The following CLN8 variants were observed in gnomAD, a reference collection of about 807,000 sequenced individuals.
CLN8 encodes the protein protein CLN8.
A neutral mutation model predicts 15.7 loss-of-function variants in CLN8; 14 were observed. The ratio of observed to expected loss-of-function variants is 0.89; its 90% CI spans 0.59 to 1.39. The LOEUF (loss-of-function observed/expected upper bound fraction) is 1.39. Among genes scored for constraint, CLN8 ranks in the 40% most tolerant of loss-of-function variants. CLN8 has a pLI of 0.00. For synonymous variants in CLN8, 188 were observed against 151.0 expected (o/e 1.25, Z -1.80); for missense variants, 415 against 364.0 (o/e 1.14, Z -1.14).
intron 1 of CLN8, chr8:1,764,682 G>C (rs913882010): frequency 6.5e-6 from 1 of 153,306 alleles, no homozygotes; most frequent in African/African-American, 2.4e-5. Context: ...GAGAGCGGGC[G>C]CTGGGTCAGG....
intron 2 of CLN8, among the ~76,000 whole-genome samples, chr8:1,779,532 A>G (rs1801639505): frequency 2.6e-5 from 4 of 152,252 alleles, no homozygotes; most frequent in African/African-American, 4.8e-5. Context: ...GGCGTGAGCC[A>G]CCGTGCCTGG....
chr8:1,767,565 C>CTTTTTTTTTTTTTTTTTT (rs1156569423), intron 1 of CLN8, among the ~76,000 whole-genome samples: 7 of 81,326 alleles, frequency 8.6e-5, no homozygotes, highest in Non-Finnish European at 1.1e-4. Context: ...ATGTTTCTTT[C>CTTTTTTTTTTTTTTTTTT]TTTTTTTTTT....
chr8:1,771,078 C>T lies in CLN8; in HGVS notation c.24C>T (p.Gly8=). The T allele has an allele frequency of 6.2e-6, 10 of 1,613,992 alleles. No homozygotes were observed. The highest frequency in any genetic ancestry group is 1.3e-5 in the African/African-American group (1 of 74,992). Residue 8 remains glycine, a synonymous_variant, in exon 2 of 3, where the codon GGC becomes GGT. Transcript: ENST00000331222. MNPASDG[G]TSESIFDLDY... ...CAATGAATCCTGCGAGCGATGGGGGCACATCAGAGAGCATTTTTGACCTGG... is the reference window on the plus strand; with the variant it reads ...CAATGAATCCTGCGAGCGATGGGGGTACATCAGAGAGCATTTTTGACCTGG...
intron 1 of CLN8, among the ~76,000 whole-genome samples, chr8:1,769,837 G>C (rs1368667936): frequency 6.6e-6 from 1 of 152,156 alleles, no homozygotes; most frequent in Non-Finnish European, 1.5e-5. Context: ...TGCTGCATCA[G>C]GCAGAGGAGA....
At chr8:1,755,262 AGAGGTTAGTCT>A (rs1800641679), upstream of CLN8, among the ~76,000 whole-genome samples, 1 of 152,182 alleles carries the variant, frequency 6.6e-6, no homozygotes, top group African/African-American at 2.4e-5. Context: ...TAACTAACAG[AGAGGTTAGTCT>A]ATGTCATGCA....
chr8:1,761,961 T>C (rs1800807427), upstream of CLN8: 3 of 152,228 alleles, frequency 2.0e-5, no homozygotes, highest in South Asian at 6.2e-4. Flanking sequence ...TGTGGCTAAT[T>C]TGTTAGTCCT....
At chr8:1,769,203 G>A (rs1563105864) in intron 1 of CLN8, among the ~76,000 whole-genome samples, 1 of 152,214 alleles carries the variant, frequency 6.6e-6, no homozygotes, top group Admixed American at 6.5e-5. Flanking sequence ...CAAAGCAAGA[G>A]GTTAGGAGTG....
chr8:1,761,146 C>T (rs13254706), upstream of CLN8, among the ~76,000 whole-genome samples: 3 of 149,960 alleles, frequency 2.0e-5, no homozygotes, highest in Admixed American at 6.7e-5. Flanking sequence ...CAGCCTCCCA[C>T]GTAGCTGGGA....
At chr8:1,779,996 A>G (rs1371529909) in intron 2 of CLN8, 1 of 985,366 alleles carries the variant, frequency 1.0e-6, no homozygotes, top group Admixed American at 6.1e-5. Flanking sequence ...AGCAGAAGCC[A>G]AAGAGCAAGA....
chr8:1,774,813 C>G (rs1801449351), intron 2 of CLN8, among the ~76,000 whole-genome samples: 1 of 152,134 alleles, frequency 6.6e-6, no homozygotes, highest in Non-Finnish European at 1.5e-5. Flanking sequence ...ATGGCAAAAC[C>G]TCGTCTCCAC....
At chr8:1,769,020 CA>C (rs1294048002) in intron 1 of CLN8, among the ~76,000 whole-genome samples, 2 of 152,188 alleles carry the variant, frequency 1.3e-5, no homozygotes, top group Non-Finnish European at 2.9e-5. Context: ...ACTCACGCAC[CA>C]GGGGCAGCAT....
In CLN8 at chr8:1,782,556, G is replaced by A. The variant is rs1801734775; in HGVS notation, c.*1989G>A. ...TTAATCTTAAACACATCCAGCAAAT[G>A]GTGTCCCTGCTGAAACTTTTAACTG... On this transcript the variant is annotated 3_prime_UTR_variant, in exon 3 of 3. Coordinates refer to ENST00000331222, the MANE Select transcript of CLN8 (RefSeq NM_018941.4). 1 of 152,170 alleles carries A rather than the reference G, an allele frequency of 6.6e-6. No homozygotes were observed. The highest frequency in any genetic ancestry group is 2.4e-5 in the African/African-American group (1 of 41,430). The allele number at this position is 152,170 out of a possible 1,614,324, so 9.4% of individuals were successfully genotyped here.
intron 2 of CLN8, 128 bp downstream of exon 2, chr8:1,771,725 A>G: frequency 2.4e-6 from 2 of 823,086 alleles, no homozygotes; most frequent in South Asian, 1.5e-5. Context: ...TTACAAACTC[A>G]TTTTAGTTGA....
At chr8:1,761,728 C>T (rs973666598), upstream of CLN8, among the ~76,000 whole-genome samples, 2 of 152,220 alleles carry the variant, frequency 1.3e-5, no homozygotes, top group African/African-American at 4.8e-5. Flanking sequence ...TCAAAGCTGT[C>T]CTCTTGGCCT....
Position 1,771,260 on chromosome 8 carries a change from C to A in CLN8, c.206C>A (p.Thr69Lys). 6.2e-7 allele frequency: 1 copy of A among 1,613,706 alleles called. No homozygotes were observed. Among genetic ancestry groups the A allele is most frequent in the Non-Finnish European group, 8.5e-7 (1 of 1,179,668 alleles). The change falls in exon 2 of 3, where the codon ACG becomes AAG. Residue 69 changes from threonine to lysine, a missense_variant. Physicochemically the swap from Thr to Lys is moderately conservative, Grantham distance 78. Coordinates refer to ENST00000331222, the MANE Select transcript of CLN8 (RefSeq NM_018941.4). The stretch of plus-strand genomic sequence containing the variant: ...AAGGTCTTCTGGGACCTGGCGGCCA[C>A]GCGTGCAGTCTTTGGTGTTCAGAGC... ...REKVFWDLAATRAVFGVQSTA... is the reference protein window; with the variant it reads ...REKVFWDLAAKRAVFGVQSTA...
chr8:1,786,244 C>T lies in CLN8; in HGVS notation c.*5677C>T. 1 of 152,354 alleles carries T rather than the reference C, an allele frequency of 6.6e-6. No homozygotes were observed. The highest frequency in any genetic ancestry group is 1.5e-5 in the Non-Finnish European group (1 of 68,154). The allele number at this position is 152,354 out of a possible 1,614,324, so 9.4% of individuals were successfully genotyped here. On this transcript the variant is annotated 3_prime_UTR_variant, in exon 3 of 3. Transcript: ENST00000331222. ...GGGCTGCAGGAGGAGGGGGGGCAGG[C>T]ACCCATGAGTCTGTCCAGCCTTGTC...
upstream of CLN8, chr8:1,762,665 C>T (rs2065497214): frequency 6.6e-6 from 1 of 152,166 alleles, no homozygotes; most frequent in African/African-American, 2.4e-5. Flanking sequence ...TTTCAAAGAG[C>T]GTTGGTAATT....
intron 2 of CLN8, among the ~76,000 whole-genome samples, chr8:1,772,526 T>G (rs1318318148): frequency 6.6e-6 from 1 of 152,202 alleles, no homozygotes; most frequent in East Asian, 1.9e-4. Context: ...TGGCATGATC[T>G]TGGCTCACTG....
intron 1 of CLN8, among the ~76,000 whole-genome samples, chr8:1,757,436 T>C (rs1357098747): frequency 4.6e-5 from 7 of 152,162 alleles, no homozygotes; most frequent in African/African-American, 2.4e-5. Flanking sequence ...CAAGGCACTT[T>C]TTTTGGTTTT....
Sources: gnomAD v4.1 joint callset for allele counts (sites outside exome capture counted in the v4.1 genomes callset) on GRCh38, gnomAD v4.1.1 for gene constraint, MANE v1.5 for transcripts, NCBI Gene and HGNC (gene_info 2026-07-23, HGNC 2026-07-21) for gene names.